The following PPP1R12A variants were observed in gnomAD, a reference collection of about 807,000 sequenced individuals.
The protein encoded by PPP1R12A is protein phosphatase 1 regulatory subunit 12A, also known as myosin binding subunit.
In PPP1R12A, 19 loss-of-function variants were observed where a neutral mutation model predicts 139.6. The ratio of observed to expected loss-of-function variants is 0.14; its 90% CI spans 0.09 to 0.20. The LOEUF (loss-of-function observed/expected upper bound fraction) is 0.20, where lower values mean the gene tolerates loss of function less well. Among genes scored for constraint, PPP1R12A ranks in the 10% least tolerant of loss-of-function variants. PPP1R12A has a pLI of 1.00. For synonymous variants in PPP1R12A, 427 were observed against 420.6 expected, an observed-to-expected ratio of 1.02 and a Z score of -0.19; for missense variants, 925 against 1,211.5, an observed-to-expected ratio of 0.76 and a Z score of 3.51.
chr12:79,899,618 C>T (rs1355349806), intron 1 of PPP1R12A, among the ~76,000 whole-genome samples: 1 of 152,134 alleles, frequency 6.6e-6, no homozygotes, highest in Non-Finnish European at 1.5e-5. Flanking sequence ...TACCATAGAT[C>T]ATCCACTCCA....
rs771419117 is a variant in PPP1R12A, at chr12:79,797,204, C to T, written c.2283G>A (p.Thr761=). The part of the protein sequence containing the change: ...EDEYKQKYSR[T]YDETYQRYRP... ...TTTGATATACTGTTACCTCATCATA[C>T]GTTCTGGAGTACTTTTGTTTATATT... is the stretch of plus-strand genomic sequence containing the variant. Residue 761 remains threonine, a synonymous_variant, in exon 16 of 25, where the codon ACG becomes ACA. Transcript: ENST00000450142. 4.7e-5 allele frequency: 75 copies of T among 1,582,532 alleles called. No homozygotes were observed. The highest frequency in any genetic ancestry group is 6.2e-5 in the Non-Finnish European group (72 of 1,165,136).
chr12:79,854,727 A>G (rs1880430952), intron 2 of PPP1R12A, among the ~76,000 whole-genome samples: 1 of 152,094 alleles, frequency 6.6e-6, no homozygotes, highest in Admixed American at 6.5e-5. Context: ...GCTGAAGTGA[A>G]CAGGTGCAAT....
chr12:79,924,063 A>T (rs1887649653), intron 1 of PPP1R12A, among the ~76,000 whole-genome samples: 1 of 151,974 alleles, frequency 6.6e-6, no homozygotes, highest in African/African-American at 2.4e-5. Context: ...AATAAAATTT[A>T]AAAAAAAGGA....
At chr12:79,903,286 A>G in intron 1 of PPP1R12A, among the ~76,000 whole-genome samples, 1 of 152,004 alleles carries the variant, frequency 6.6e-6, no homozygotes, top group Non-Finnish European at 1.5e-5. Flanking sequence ...CCCCATCTCT[A>G]CTAAAAATAC....
At chr12:79,886,715 AC>A (rs1884137570) in intron 1 of PPP1R12A, among the ~76,000 whole-genome samples, 1 of 152,162 alleles carries the variant, frequency 6.6e-6, no homozygotes, top group African/African-American at 2.4e-5. Flanking sequence ...AAGACAAAAA[AC>A]CCACAAAAGT....
In PPP1R12A at chr12:79,812,110, G is replaced by A. The variant is rs191039698; in HGVS notation, c.1240-2100C>T. On this transcript the variant is annotated intron_variant, in intron 9 of 24. Coordinates refer to ENST00000450142, the MANE Select transcript of PPP1R12A (RefSeq NM_002480.3). ...CTGTTATTTTAGAGTTGAGAAAAAC[G>A]AGGCAGTACTATCTATCAATTTTGA... Among the ~76,000 whole-genome samples, 618 of 152,176 alleles carry A rather than the reference G, an allele frequency of 4.1e-3. 4 individuals are homozygous for A. Among genetic ancestry groups the A allele is most frequent in the Admixed American group, 9.5e-3 (145 of 15,280 alleles).
At chr12:79,923,417 GA>G (rs1247414670) in intron 1 of PPP1R12A, among the ~76,000 whole-genome samples, 5 of 152,114 alleles carry the variant, frequency 3.3e-5, no homozygotes, top group Non-Finnish European at 7.4e-5. Context: ...AATGGAATAC[GA>G]TACACTCATT....
intron 1 of PPP1R12A, among the ~76,000 whole-genome samples, chr12:79,905,603 C>A (rs1886042077): frequency 6.6e-6 from 1 of 152,074 alleles, no homozygotes. Context: ...ATATATATAG[C>A]CTTAAATTTG....
intron 3 of PPP1R12A, among the ~76,000 whole-genome samples, chr12:79,841,691 T>G (rs1340391365): frequency 6.6e-6 from 1 of 152,210 alleles, no homozygotes; most frequent in African/African-American, 2.4e-5. Context: ...ATGTTTACTT[T>G]AAAGAATTAC....
At chr12:79,895,609 G>A (rs1447088977) in intron 1 of PPP1R12A, among the ~76,000 whole-genome samples, 1 of 152,130 alleles carries the variant, frequency 6.6e-6, no homozygotes, top group African/African-American at 2.4e-5. Context: ...TTCATCTTAA[G>A]AGAACAGACT....
intron 9 of PPP1R12A, among the ~76,000 whole-genome samples, chr12:79,814,645 G>A (rs1218038126): frequency 1.3e-5 from 2 of 149,954 alleles, no homozygotes; most frequent in African/African-American, 2.4e-5. Flanking sequence ...ATGAAACCCC[G>A]TCTCTACTAA....
At chr12:79,811,263 GTT>G (rs1249776790) in intron 9 of PPP1R12A, among the ~76,000 whole-genome samples, 1 of 152,192 alleles carries the variant, frequency 6.6e-6, no homozygotes, top group Non-Finnish European at 1.5e-5. Flanking sequence ...GGACAAAACT[GTT>G]ATAAAGATAT....
chr12:79,867,768 C>T (rs1408244397), intron 2 of PPP1R12A, among the ~76,000 whole-genome samples: 1 of 152,040 alleles, frequency 6.6e-6, no homozygotes, highest in Non-Finnish European at 1.5e-5. Flanking sequence ...GGGTGGTTAC[C>T]CCTATGCTTC....
At chr12:79,776,377 CT>C (rs1869727301) in intron 24 of PPP1R12A, among the ~76,000 whole-genome samples, 3 of 152,044 alleles carry the variant, frequency 2.0e-5, no homozygotes, top group Non-Finnish European at 4.4e-5. Flanking sequence ...AAACCAAAGA[CT>C]TTTGCTTTTA....
intron 14 of PPP1R12A, among the ~76,000 whole-genome samples, chr12:79,802,459 A>C (rs1327382898): frequency 2.6e-5 from 4 of 152,162 alleles, no homozygotes; most frequent in Non-Finnish European, 5.9e-5. Context: ...AGGAGATGAA[A>C]CCTAAATGTG....
intron 2 of PPP1R12A, among the ~76,000 whole-genome samples, chr12:79,854,439 A>C (rs1372421808): frequency 2.0e-5 from 3 of 152,048 alleles, no homozygotes; most frequent in Non-Finnish European, 4.4e-5. Context: ...ATTCTACTAC[A>C]CTGTCTCCCT....
chr12:79,909,064 A>AGG (rs1886348672), intron 1 of PPP1R12A, among the ~76,000 whole-genome samples: 1 of 152,084 alleles, frequency 6.6e-6, no homozygotes, highest in Non-Finnish European at 1.5e-5. Flanking sequence ...GAACCTGGTG[A>AGG]TTCAAGTAGT....
In PPP1R12A at chr12:79,790,513, C is replaced by G. The variant is rs556949854; in HGVS notation, c.2650-30G>C. ...AAAGAAAGAGAAAAACATAGGCATA[C>G]TAAATTTTTATGCTTTCATTAAACT... On this transcript the variant is annotated intron_variant, in intron 19 of 24. Coordinates refer to ENST00000450142, the MANE Select transcript of PPP1R12A (RefSeq NM_002480.3). 1.8e-5 allele frequency: 25 copies of G among 1,364,202 alleles called. No homozygotes were observed. In the African/African-American group the frequency reaches 3.7e-4, roughly 20 times the overall value. The allele number at this position is 1,364,202 out of a possible 1,614,324, so 84.5% of individuals were successfully genotyped here.
intron 1 of PPP1R12A, among the ~76,000 whole-genome samples, chr12:79,882,770 T>C (rs888049790): frequency 6.6e-6 from 1 of 152,098 alleles, no homozygotes; most frequent in Non-Finnish European, 1.5e-5. Context: ...CTTGTCTTAT[T>C]TTATGAAACT....
Sources: allele counts gnomAD v4.1 joint callset (sites outside exome capture counted in the v4.1 genomes callset), GRCh38; gene constraint gnomAD v4.1.1; transcripts MANE v1.5; gene names NCBI Gene and HGNC (gene_info 2026-07-23, HGNC 2026-07-21).